The following KCTD8 variants were observed in gnomAD, a reference collection of about 807,000 sequenced individuals.
KCTD8 encodes the protein BTB/POZ domain-containing protein KCTD8.
KCTD8 carries 27 observed loss-of-function variants against 31.5 expected under a neutral mutation model. The ratio of observed to expected loss-of-function variants is 0.86; its 90% CI spans 0.63 to 1.18. KCTD8 has a LOEUF of 1.18. KCTD8 is among the 50% of genes most tolerant of loss of function. The probability of loss-of-function intolerance (pLI) is 0.00; values close to 1 mark genes in which losing one functional copy is unlikely to be tolerated. For missense variants in KCTD8, 658 were observed against 647.7 expected (o/e 1.02, Z -0.17); for synonymous variants, 290 against 280.0 (o/e 1.04, Z -0.36).
intron 1 of KCTD8, among the ~76,000 whole-genome samples, chr4:44,263,558 A>G (rs1375599760): frequency 1.3e-5 from 2 of 152,198 alleles, no homozygotes; most frequent in African/African-American, 2.4e-5. Context: ...AAAGAAGAGA[A>G]TAGTTAAGAG....
At chr4:44,300,332 G>A (rs1447968903) in intron 1 of KCTD8, among the ~76,000 whole-genome samples, 1 of 151,846 alleles carries the variant, frequency 6.6e-6, no homozygotes, top group African/African-American at 2.4e-5. Flanking sequence ...TTACAATCAT[G>A]CTATCAGAAA....
chr4:44,252,316 T>G (rs980706326), intron 1 of KCTD8, among the ~76,000 whole-genome samples: 2 of 151,816 alleles, frequency 1.3e-5, no homozygotes, highest in Non-Finnish European at 2.9e-5. Context: ...TGTGCTGCTA[T>G]AAACGTGTGT....
chr4:44,383,649 AC>A (rs1170372649), intron 1 of KCTD8, among the ~76,000 whole-genome samples: 1 of 152,002 alleles, frequency 6.6e-6, no homozygotes, highest in African/African-American at 2.4e-5. Flanking sequence ...CCTACCTCTC[AC>A]CACATTAAAA....
chr4:44,227,241 T>G (rs542512387), intron 1 of KCTD8, among the ~76,000 whole-genome samples: 54 of 152,322 alleles, frequency 3.5e-4, no homozygotes, highest in African/African-American at 1.2e-3. Context: ...GGGATCCAGT[T>G]TCTGTTTTCT....
chr4:44,302,761 T>G (rs973152664), intron 1 of KCTD8, among the ~76,000 whole-genome samples: 1 of 151,872 alleles, frequency 6.6e-6, no homozygotes, highest in Admixed American at 6.6e-5. Flanking sequence ...CTATGTTGAA[T>G]AGGAGTGGTG....
chr4:44,256,164 T>C (rs1715985094), intron 1 of KCTD8, among the ~76,000 whole-genome samples: 1 of 151,840 alleles, frequency 6.6e-6, no homozygotes, highest in East Asian at 1.9e-4. Context: ...ATTATTCAAT[T>C]ACCTCCCACC....
chr4:44,447,862 C>A lies in KCTD8; in HGVS notation c.662G>T (p.Arg221Leu), dbSNP rs574038147. The A allele has an allele frequency of 1.3e-6, 2 of 1,574,086 alleles. No individual in the cohort carries two copies. The highest frequency in any genetic ancestry group is 4.7e-5 in the East Asian group (2 of 42,442). Residue 221 changes from arginine to leucine, a missense_variant, in exon 1 of 2, where the codon CGC becomes CTC. Coordinates refer to ENST00000360029, the MANE Select transcript of KCTD8 (RefSeq NM_198353.3). Reference sequence around the variant, plus strand: ...GAATTTGGCGTCGGCCTGGTTGTCGCGCACGGTGGTGTAGGAGCCCCGGTA... The same window carrying A: ...GAATTTGGCGTCGGCCTGGTTGTCGAGCACGGTGGTGTAGGAGCCCCGGTA... Reference protein sequence around the residue: ...LGYRGSYTTVRDNQADAKFRR... With the variant: ...LGYRGSYTTVLDNQADAKFRR...
intron 1 of KCTD8, among the ~76,000 whole-genome samples, chr4:44,234,517 C>G (rs1715218698): frequency 6.6e-6 from 1 of 152,120 alleles, no homozygotes; most frequent in African/African-American, 2.4e-5. Context: ...TGCTTTTTCT[C>G]TAGTAGTATT....
intron 1 of KCTD8, among the ~76,000 whole-genome samples, chr4:44,269,267 C>G (rs1312711734): frequency 1.3e-5 from 2 of 152,068 alleles, no homozygotes; most frequent in Non-Finnish European, 2.9e-5. Flanking sequence ...TTTGACAAAC[C>G]TGAGAAAAAC....
chr4:44,424,586 A>G (rs1721300560), intron 1 of KCTD8, among the ~76,000 whole-genome samples: 1 of 152,054 alleles, frequency 6.6e-6, no homozygotes, highest in Non-Finnish European at 1.5e-5. Flanking sequence ...TCTCTCTATA[A>G]GTCAGGTGTG....
Position 44,323,224 on chromosome 4 carries a change from T to C in KCTD8, c.961+124339A>G, listed in dbSNP as rs575580533. On this transcript the variant is annotated intron_variant, in intron 1 of 1. Coordinates refer to ENST00000360029, the MANE Select transcript of KCTD8 (RefSeq NM_198353.3). The stretch of plus-strand genomic sequence containing the variant: ...TATAATAACATGTGGCCAGGCACGG[T>C]GGCTCACACCTGTAATCCTAGCACT... Among the ~76,000 whole-genome samples the C allele has an allele frequency of 3.0e-4, 45 of 152,156 alleles. No homozygotes were observed. The South Asian group carries it at 6.0e-3, about 20-fold the overall frequency.
intron 1 of KCTD8, among the ~76,000 whole-genome samples, chr4:44,208,209 A>T (rs1032806371): frequency 2.6e-5 from 4 of 152,194 alleles, no homozygotes; most frequent in African/African-American, 9.6e-5. Flanking sequence ...CATTGTTGTA[A>T]TACAGTAATT....
chr4:44,329,108 C>T (rs956113951), intron 1 of KCTD8, among the ~76,000 whole-genome samples: 1 of 151,346 alleles, frequency 6.6e-6, no homozygotes, highest in African/African-American at 2.4e-5. Context: ...GTAAATATTA[C>T]CTTAGGTCTT....
intron 1 of KCTD8, among the ~76,000 whole-genome samples, chr4:44,191,222 C>A (rs1188272496): frequency 6.6e-6 from 1 of 152,092 alleles, no homozygotes; most frequent in Non-Finnish European, 1.5e-5. Context: ...ATTTCTTATA[C>A]CTGTCTTACT....
chr4:44,362,020 T>C (rs1483674139), intron 1 of KCTD8, among the ~76,000 whole-genome samples: 1 of 152,144 alleles, frequency 6.6e-6, no homozygotes. Context: ...TCAGGGGATA[T>C]GCTGTTAGTT....
chr4:44,413,933 C>T (rs1721015718), intron 1 of KCTD8, among the ~76,000 whole-genome samples: 1 of 152,064 alleles, frequency 6.6e-6, no homozygotes, highest in African/African-American at 2.4e-5. Context: ...ACACTGCTGG[C>T]TTTGATGACA....
chr4:44,321,856 T>C (rs1297836606), intron 1 of KCTD8, among the ~76,000 whole-genome samples: 1 of 150,882 alleles, frequency 6.6e-6, no homozygotes, highest in African/African-American at 2.5e-5. Context: ...ATGTAATATT[T>C]GTCTTTCTCT....
Position 44,396,089 on chromosome 4 carries a change from G to A in KCTD8, c.961+51474C>T, listed in dbSNP as rs560015214. On this transcript the variant is annotated intron_variant, in intron 1 of 1. Coordinates refer to ENST00000360029, the MANE Select transcript of KCTD8 (RefSeq NM_198353.3). ...TGAGCTTGTTTTCCTGCAGCTAGAT[G>A]GTCCCATCTGGGGGTGATGAGAGAC... Among the ~76,000 whole-genome samples the A allele has an allele frequency of 2.0e-5, 3 of 152,130 alleles. No homozygotes were observed. In the South Asian group the frequency reaches 6.2e-4, roughly 32 times the overall value.
At chr4:44,257,699 T>C (rs1290691439) in intron 1 of KCTD8, among the ~76,000 whole-genome samples, 1 of 152,018 alleles carries the variant, frequency 6.6e-6, no homozygotes, top group African/African-American at 2.4e-5. Context: ...ACTGATGTCA[T>C]CGGTGCCAGC....
Sources: allele counts gnomAD v4.1 joint callset (sites outside exome capture counted in the v4.1 genomes callset), GRCh38; gene constraint gnomAD v4.1.1; transcripts MANE v1.5; gene names NCBI Gene and HGNC (gene_info 2026-07-23, HGNC 2026-07-21).